Variants in SOX5 observed in about 807,000 individuals in gnomAD.
The protein encoded by SOX5 is SRY-box transcription factor 5.
A neutral mutation model predicts 92.0 loss-of-function variants in SOX5; 9 were observed. That is an observed-to-expected ratio of 0.10 (90% CI 0.06 to 0.17). The LOEUF (loss-of-function observed/expected upper bound fraction) is 0.17. Among genes scored for constraint, SOX5 ranks in the 10% least tolerant of loss-of-function variants. SOX5 has a pLI of 1.00. For synonymous variants in SOX5, 344 were observed against 336.3 expected, an observed-to-expected ratio of 1.02 and a Z score of -0.25; for missense variants, 642 against 944.5, an observed-to-expected ratio of 0.68 and a Z score of 4.20.
chr12:24,503,208 A>G (rs764229244), intron 1 of SOX5, among the ~76,000 whole-genome samples: 1 of 152,222 alleles, frequency 6.6e-6, no homozygotes, highest in Non-Finnish European at 1.5e-5. Flanking sequence ...TTATCTCTGT[A>G]ACTTTTCTAT....
At chr12:23,601,933 C>A (rs760323624) in intron 9 of SOX5, among the ~76,000 whole-genome samples, 6 of 152,090 alleles carry the variant, frequency 3.9e-5, no homozygotes, top group Non-Finnish European at 7.4e-5. Flanking sequence ...AAAGAAAGGG[C>A]ATATTTTTAT....
chr12:23,850,879 T>A (rs1017823018), intron 2 of SOX5, among the ~76,000 whole-genome samples: 2 of 152,264 alleles, frequency 1.3e-5, no homozygotes, highest in African/African-American at 4.8e-5. Flanking sequence ...ACGCACAATT[T>A]CATATAGTTT....
chr12:23,841,722 A>G lies in SOX5; in HGVS notation c.481+4261T>C, dbSNP rs182462049. ...CCCCATGCTGTATTATTCTGATTAT[A>G]TGGTTTTCTAGGAAAGGGAAAACTA... On this transcript the variant is annotated intron_variant, in intron 3 of 14. Coordinates refer to ENST00000451604, the MANE Select transcript of SOX5 (RefSeq NM_006940.6). Among the ~76,000 whole-genome samples, 771 of 152,216 alleles carry G rather than the reference A, an allele frequency of 5.1e-3. 5 individuals carry two copies. The highest frequency in any genetic ancestry group is 0.021 in the South Asian group (99 of 4,828).
At chr12:23,636,148 A>C (rs2079202487) in intron 8 of SOX5, among the ~76,000 whole-genome samples, 1 of 152,168 alleles carries the variant, frequency 6.6e-6, no homozygotes, top group South Asian at 2.1e-4. Context: ...AAAATGTGTA[A>C]AGAAAAAGAC....
intron 1 of SOX5, among the ~76,000 whole-genome samples, chr12:24,443,488 C>T (rs1039734692): frequency 6.6e-6 from 1 of 152,160 alleles, no homozygotes; most frequent in African/African-American, 2.4e-5. Context: ...TTGATTCTGT[C>T]ATATCTTGCA....
At chr12:23,779,713 T>C (rs1298094328) in intron 3 of SOX5, among the ~76,000 whole-genome samples, 1 of 149,652 alleles carries the variant, frequency 6.7e-6, no homozygotes, top group African/African-American at 2.5e-5. Context: ...CAACTTCTTT[T>C]GATCTCAAAC....
intron 4 of SOX5, among the ~76,000 whole-genome samples, chr12:24,113,977 A>C (rs142478049): frequency 6.6e-6 from 1 of 152,334 alleles, no homozygotes; most frequent in African/African-American, 2.4e-5. Flanking sequence ...AAAAAATGTG[A>C]GAGTTTTGTT....
At chr12:23,853,909 C>A (rs760640607) in intron 2 of SOX5, among the ~76,000 whole-genome samples, 5 of 152,072 alleles carry the variant, frequency 3.3e-5, no homozygotes, top group Admixed American at 6.6e-5. Context: ...AAAAGTTAGA[C>A]TACAAATCAA....
intron 1 of SOX5, among the ~76,000 whole-genome samples, chr12:24,399,627 A>T (rs1174477301): frequency 6.6e-6 from 1 of 152,234 alleles, no homozygotes; most frequent in African/African-American, 2.4e-5. Flanking sequence ...AGCTAAAAAA[A>T]CAATTGTTGA....
At chr12:24,031,949 T>C (rs537696763) in intron 4 of SOX5, among the ~76,000 whole-genome samples, 1 of 151,996 alleles carries the variant, frequency 6.6e-6, no homozygotes, top group African/African-American at 2.4e-5. Context: ...GCCAAATAGA[T>C]GTTTTACAAG....
Position 23,619,600 on chromosome 12 carries a change from A to G in SOX5, c.1018-15067T>C, listed in dbSNP as rs73275918. 6.8e-3 allele frequency among the ~76,000 whole-genome samples: 1,034 copies of G among 152,254 alleles called. 14 individuals carry two copies. Among genetic ancestry groups the G allele is most frequent in the African/African-American group, 0.024 (981 of 41,562 alleles). On this transcript the variant is annotated intron_variant, in intron 8 of 14. Transcript: ENST00000451604. ...CTGAAACAAAGAGACAAACCTGGGAAGGGTAATTCAGAAAGCACCTTTTAT... is the reference window on the plus strand; with the variant it reads ...CTGAAACAAAGAGACAAACCTGGGAGGGGTAATTCAGAAAGCACCTTTTAT...
intron 2 of SOX5, among the ~76,000 whole-genome samples, chr12:24,352,241 A>C (rs1431114289): frequency 6.6e-6 from 1 of 152,206 alleles, no homozygotes; most frequent in Admixed American, 6.5e-5. Flanking sequence ...GCTACATGGG[A>C]AAGTGTTAAT....
intron 4 of SOX5, among the ~76,000 whole-genome samples, chr12:24,057,863 A>G (rs1367520932): frequency 1.3e-5 from 2 of 152,246 alleles, no homozygotes; most frequent in Admixed American, 1.3e-4. Flanking sequence ...CAATAGCAGA[A>G]ATAAGTCTGC....
chr12:24,393,116 GAATA>G lies in SOX5; in HGVS notation c.-250-24481_-250-24478del. Reference sequence around the variant, plus strand: ...CACCACTCTCCCAATTATAATAAATGAATAAAGTAGATTGAAGCTAAGAAAAAAA... The same window carrying G: ...CACCACTCTCCCAATTATAATAAATGAAGTAGATTGAAGCTAAGAAAAAAA... On this transcript the variant is annotated intron_variant, in intron 1 of 4. Transcript: ENST00000446891. This position sits in a 1 kb window ranked among gnomAD's most constrained non-coding sequence, Gnocchi z 5.0. Among the ~76,000 whole-genome samples the G allele has an allele frequency of 6.6e-6, 1 of 152,024 alleles. No individual in the cohort carries two copies. The highest frequency in any genetic ancestry group is 1.9e-4 in the East Asian group (1 of 5,158).
chr12:24,027,587 G>A (rs1459978940), intron 4 of SOX5, among the ~76,000 whole-genome samples: 1 of 151,932 alleles, frequency 6.6e-6, no homozygotes, highest in African/African-American at 2.4e-5. Flanking sequence ...TAGTGGGATG[G>A]TAACTCCCCC....
intron 1 of SOX5, among the ~76,000 whole-genome samples, chr12:24,388,052 T>C (rs1487654257): frequency 6.6e-6 from 1 of 152,174 alleles, no homozygotes; most frequent in Non-Finnish European, 1.5e-5. Context: ...GAGGCAGAAA[T>C]AGAGTTTGCA....
intron 10 of SOX5, among the ~76,000 whole-genome samples, chr12:23,566,015 T>C (rs1316727176): frequency 2.0e-5 from 3 of 152,190 alleles, no homozygotes; most frequent in Non-Finnish European, 4.4e-5. Flanking sequence ...TTTATTTCCA[T>C]TTATGCCTAT....
At chr12:23,697,561 T>A (rs947751780) in intron 6 of SOX5, among the ~76,000 whole-genome samples, 1 of 152,140 alleles carries the variant, frequency 6.6e-6, no homozygotes, top group African/African-American at 2.4e-5. Flanking sequence ...TGATTATTTA[T>A]TTTTTTAAAG....
chr12:24,498,937 G>T lies in SOX5; in HGVS notation c.-251+63392C>A, dbSNP rs151285564. 2.9e-3 allele frequency among the ~76,000 whole-genome samples: 443 copies of T among 152,156 alleles called. 2 individuals carry two copies. Among genetic ancestry groups the T allele is most frequent in the African/African-American group, 9.8e-3 (407 of 41,490 alleles). Reference sequence around the variant, plus strand: ...CTGGCATAGGGACATAGTGCTTGCCGTTTACCTCTTCTCCTAGATTTTCCA... The same window carrying T: ...CTGGCATAGGGACATAGTGCTTGCCTTTTACCTCTTCTCCTAGATTTTCCA... On this transcript the variant is annotated intron_variant, in intron 1 of 4. Transcript: ENST00000446891.
Sources: allele counts gnomAD v4.1 joint callset (sites outside exome capture counted in the v4.1 genomes callset), GRCh38; gene constraint gnomAD v4.1.1; non-coding constraint Gnocchi (gnomAD v3.1); transcripts MANE v1.5; gene names NCBI Gene and HGNC (gene_info 2026-07-23, HGNC 2026-07-21).